The following MFSD11 variants were observed in gnomAD, a reference collection of about 807,000 sequenced individuals.
MFSD11 encodes major facilitator superfamily domain containing 11.
Under a neutral mutation model 53.5 loss-of-function variants are expected in MFSD11, and 36 were observed. That is an observed-to-expected ratio of 0.67 (90% confidence interval 0.52 to 0.89). The LOEUF (loss-of-function observed/expected upper bound fraction) is 0.89, where lower values mean the gene tolerates loss of function less well. Among genes scored for constraint, MFSD11 ranks in the 40% least tolerant of loss-of-function variants. MFSD11 has a pLI of 0.00. For synonymous variants in MFSD11, 186 were observed against 184.9 expected (o/e 1.01, Z -0.05); for missense variants, 530 against 543.9 (o/e 0.97, Z 0.25).
At position 76,754,292 on chromosome 17, in the gene MFSD11, A is replaced by G. The variant is rs1428102222; in HGVS notation, c.682+205A>G. 1.3e-5 allele frequency: 7 copies of G among 527,850 alleles called. No individual in the cohort carries two copies. In the East Asian group the frequency reaches 2.2e-4, roughly 17 times the overall value. The allele number at this position is 527,850 out of a possible 1,614,324, so 32.7% of individuals were successfully genotyped here. Reference sequence around the variant, plus strand: ...GGGATGGATGATGGTATGACTGCCCACCTGCCCAGGTGTGTGAGGGAAGTG... The same window carrying G: ...GGGATGGATGATGGTATGACTGCCCGCCTGCCCAGGTGTGTGAGGGAAGTG... On this transcript the variant is annotated intron_variant, in intron 8 of 12. Transcript: ENST00000685175.
intron 7 of MFSD11, 73 bp from the exon 8 acceptor site, chr17:76,753,974 G>A: frequency 7.7e-7 from 1 of 1,300,626 alleles, no homozygotes; most frequent in Admixed American, 2.0e-5. Context: ...GAACGTAAAT[G>A]AAAATGTGAT....
intron 7 of MFSD11, among the ~76,000 whole-genome samples, chr17:76,749,568 T>C (rs1299115346): frequency 6.7e-6 from 1 of 148,830 alleles, no homozygotes; most frequent in African/African-American, 2.5e-5. Flanking sequence ...ATGTATGCTG[T>C]AGCCTATCTC....
Position 76,738,977 on chromosome 17 carries a change from G to C in MFSD11, c.136G>C (p.Gly46Arg), listed in dbSNP as rs377197459. The change falls in exon 2 of 13, where the codon GGC (glycine) becomes CGC (arginine). Residue 46 changes from glycine to arginine, a missense_variant. By Grantham distance (125) the Gly-to-Arg change is moderately radical (BLOSUM62 -2). Coordinates refer to ENST00000685175, the MANE Select transcript of MFSD11 (RefSeq NM_001242532.5). ...GAGCTTAAATAGGACAGATTTTCAC[G>C]GCAGTGGATATACCAGGTATTGTAC... Reference protein sequence around the residue: ...IRSLNRTDFHGSGYTSMAIIY... With the variant: ...IRSLNRTDFHRSGYTSMAIIY... 1 of 1,613,612 alleles carries C rather than the reference G, an allele frequency of 6.2e-7. No individual in the cohort carries two copies. Among genetic ancestry groups the C allele is most frequent in the Non-Finnish European group, 8.5e-7 (1 of 1,179,694 alleles).
the MFSD11 span, among the ~76,000 whole-genome samples, chr17:76,787,740 A>C: frequency 6.7e-6 from 1 of 149,660 alleles, no homozygotes; most frequent in East Asian, 1.9e-4. Flanking sequence ...ATGGGCCAAG[A>C]GGATGCTAGA....
downstream of MFSD11, among the ~76,000 whole-genome samples, chr17:76,781,827 C>T (rs140695665): frequency 1.3e-5 from 2 of 152,158 alleles, no homozygotes; most frequent in African/African-American, 2.4e-5. Context: ...GTTTCGTACT[C>T]ACTTTTTTGT....
At position 76,776,994 on chromosome 17, in the gene MFSD11, G is replaced by T. The variant is rs546426132; in HGVS notation, c.1185+453G>T. 6.6e-6 allele frequency among the ~76,000 whole-genome samples: 1 copy of T among 151,658 alleles called. No homozygotes were observed. Among genetic ancestry groups the T allele is most frequent in the African/African-American group, 2.4e-5 (1 of 41,418 alleles). ...TTTTTTTTAAAGACAAAGTCGGCCC[G>T]CCGCGGCTCACACTTGTAATCCCAG... On this transcript the variant is annotated intron_variant, in intron 12 of 12. Coordinates refer to ENST00000685175, the MANE Select transcript of MFSD11 (RefSeq NM_001242532.5). The surrounding 1 kb of genome is among the most constrained non-coding windows in gnomAD (Gnocchi z 4.2).
In MFSD11 at chr17:76,776,817, T is replaced by A. The variant is rs1322277888; in HGVS notation, c.1185+276T>A. ...CACCATGCCTGGCTAATTTTTGTAT[T>A]TTTTTTTTCTTTTTAGCAGAGGCAG... On this transcript the variant is annotated intron_variant, in intron 12 of 12. Coordinates refer to ENST00000685175, the MANE Select transcript of MFSD11 (RefSeq NM_001242532.5). This position sits in a 1 kb window ranked among gnomAD's most constrained non-coding sequence, Gnocchi z 4.2. Among the ~76,000 whole-genome samples, 2 of 131,548 alleles carry A rather than the reference T, an allele frequency of 1.5e-5. No individual in the cohort carries two copies. The highest frequency in any genetic ancestry group is 3.9e-4 in the East Asian group (2 of 5,116). 86.3% of individuals were successfully genotyped at this position (131,548 alleles called of 152,430 possible).
chr17:76,789,715 C>G, the MFSD11 span, among the ~76,000 whole-genome samples: 1 of 150,056 alleles, frequency 6.7e-6, no homozygotes, highest in Non-Finnish European at 1.5e-5. Context: ...GCCTAACTGC[C>G]TACTCTAACA....
At chr17:76,769,671 C>A in intron 9 of MFSD11, 75 bp from the exon 10 acceptor site, 1 of 1,180,824 alleles carries the variant, frequency 8.5e-7, no homozygotes, top group Non-Finnish European at 1.2e-6. Flanking sequence ...ATTCTTTCGT[C>A]AGATACTACT....
intron 7 of MFSD11, among the ~76,000 whole-genome samples, chr17:76,750,427 G>A (rs1441063866): frequency 6.9e-6 from 1 of 144,984 alleles, no homozygotes; most frequent in African/African-American, 2.6e-5. Context: ...GGAGTGCAGT[G>A]GCGCAAACTC....
At chr17:76,736,642 CG>C, upstream of MFSD11, 1 of 1,166,890 alleles carries the variant, frequency 8.6e-7, no homozygotes, top group Non-Finnish European at 1.1e-6. Context: ...TCGCAGACGG[CG>C]GAAGCTCGCG....
In MFSD11 at chr17:76,776,066, C is replaced by T. The variant is rs1404344575; in HGVS notation, c.1050-340C>T. Among the ~76,000 whole-genome samples, 1 of 152,204 alleles carries T rather than the reference C, an allele frequency of 6.6e-6. No homozygotes were observed. Among genetic ancestry groups the T allele is most frequent in the Non-Finnish European group, 1.5e-5 (1 of 68,046 alleles). On this transcript the variant is annotated intron_variant, in intron 11 of 12. Coordinates refer to ENST00000685175, the MANE Select transcript of MFSD11 (RefSeq NM_001242532.5). The surrounding 1 kb of genome is among the most constrained non-coding windows in gnomAD (Gnocchi z 4.2). ...TGATCTCCGCTCACTGCAACCTCCA[C>T]CTCCGGGGTTCAAGTGATTCTCGTG...
chr17:76,781,864 C>T (rs1030902638), downstream of MFSD11, among the ~76,000 whole-genome samples: 7 of 152,132 alleles, frequency 4.6e-5, no homozygotes, highest in Non-Finnish European at 7.4e-5. Context: ...CTTTGTTGCC[C>T]AGGCTGGATC....
intron 7 of MFSD11, chr17:76,748,068 G>A (rs1159295525): frequency 7.1e-6 from 1 of 141,486 alleles, no homozygotes; most frequent in East Asian, 2.3e-4. Flanking sequence ...CAAAGTGAGT[G>A]TTAGGAAGAC....
At chr17:76,758,223 C>T (rs1433228365) in intron 8 of MFSD11, among the ~76,000 whole-genome samples, 3 of 152,026 alleles carry the variant, frequency 2.0e-5, no homozygotes, top group African/African-American at 7.2e-5. Flanking sequence ...TAATATAGAT[C>T]CATACTTCAC....
chr17:76,769,954 G>C, intron 10 of MFSD11, 83 bp downstream of exon 10: 1 of 1,267,590 alleles, frequency 7.9e-7, no homozygotes, highest in Non-Finnish European at 1.1e-6. Context: ...CTTCACCTTT[G>C]TCCTTGAATT....
At chr17:76,765,024 A>G (rs928633901) in intron 8 of MFSD11, among the ~76,000 whole-genome samples, 7 of 152,096 alleles carry the variant, frequency 4.6e-5, no homozygotes, top group African/African-American at 7.2e-5. Flanking sequence ...GATGTAGTCA[A>G]TTTGTTTAGT....
At chr17:76,793,597 G>A in the MFSD11 span, among the ~76,000 whole-genome samples, 8 of 151,378 alleles carry the variant, frequency 5.3e-5, 1 homozygote, top group Admixed American at 5.3e-4. Flanking sequence ...CTCAGTTTAC[G>A]AGATGACAGG....
At chr17:76,738,905 C>T in intron 1 of MFSD11, 33 bp from the exon 2 acceptor site, 1 of 1,599,240 alleles carries the variant, frequency 6.3e-7, no homozygotes, top group Non-Finnish European at 8.6e-7. Flanking sequence ...GACTGCAAAA[C>T]ATTTTCGTTG....
Sources: allele counts gnomAD v4.1 joint callset (sites outside exome capture counted in the v4.1 genomes callset), GRCh38; gene constraint gnomAD v4.1.1; non-coding constraint Gnocchi (gnomAD v3.1); transcripts MANE v1.5; gene names NCBI Gene and HGNC (gene_info 2026-07-23, HGNC 2026-07-21).